Variants in PALM2AKAP2 observed in about 807,000 individuals in gnomAD.
PALM2AKAP2 encodes the protein PALM2 and AKAP2 fusion, also known as PALM2-AKAP2 fusion protein.
Under a neutral mutation model 71.5 loss-of-function variants are expected in PALM2AKAP2, and 37 were observed. The observed-to-expected ratio is 0.52, with a 90% CI of 0.40 to 0.68. PALM2AKAP2 has a LOEUF of 0.68. Among genes scored for constraint, PALM2AKAP2 ranks in the 30% least tolerant of loss-of-function variants. The probability of loss-of-function intolerance (pLI) is 0.00; values close to 1 mark genes in which losing one functional copy is unlikely to be tolerated. For synonymous variants in PALM2AKAP2, 468 were observed against 478.8 expected (o/e 0.98, Z 0.29); for missense variants, 1,224 against 1,191.8 (o/e 1.03, Z -0.40).
intron 6 of PALM2AKAP2, among the ~76,000 whole-genome samples, chr9:109,967,841 T>C (rs139065088): frequency 6.6e-6 from 1 of 152,346 alleles, no homozygotes; most frequent in East Asian, 1.9e-4. Flanking sequence ...GAAAGTTGAC[T>C]TTGTTGTGTT....
At chr9:109,775,135 A>C (rs1478837103) in intron 1 of PALM2AKAP2, among the ~76,000 whole-genome samples, 2 of 152,118 alleles carry the variant, frequency 1.3e-5, no homozygotes, top group Non-Finnish European at 2.9e-5. Flanking sequence ...ATCTCTAACC[A>C]TTTGGCTCTA....
At chr9:109,708,002 C>A (rs963898359) in intron 1 of PALM2AKAP2, among the ~76,000 whole-genome samples, 2 of 152,174 alleles carry the variant, frequency 1.3e-5, no homozygotes, top group African/African-American at 4.8e-5. Flanking sequence ...GCCCCTTCTC[C>A]ATTTTCACTG....
At chr9:109,664,173 A>G (rs1827442473) in intron 1 of PALM2AKAP2, among the ~76,000 whole-genome samples, 1 of 152,168 alleles carries the variant, frequency 6.6e-6, no homozygotes, top group Non-Finnish European at 1.5e-5. Context: ...TAATTGGGGC[A>G]TTTAGCCCAT....
intron 1 of PALM2AKAP2, among the ~76,000 whole-genome samples, chr9:109,672,580 T>A (rs937216941): frequency 1.3e-5 from 2 of 152,086 alleles, no homozygotes; most frequent in East Asian, 3.8e-4. Context: ...TGTTGTTGTA[T>A]CTCTGTCAAA....
chr9:109,711,509 T>C (rs974438644), intron 1 of PALM2AKAP2, among the ~76,000 whole-genome samples: 11 of 152,240 alleles, frequency 7.2e-5, no homozygotes, highest in African/African-American at 1.9e-4. Flanking sequence ...CAAGTATTTA[T>C]TTAAAAAACT....
intron 3 of PALM2AKAP2, among the ~76,000 whole-genome samples, chr9:109,888,928 A>T (rs753879394): frequency 1.3e-5 from 2 of 152,126 alleles, no homozygotes; most frequent in Non-Finnish European, 2.9e-5. Flanking sequence ...AGTCATGATA[A>T]TAAAACATGT....
Position 109,898,034 on chromosome 9 carries a change from T to TA in PALM2AKAP2, c.257+17356dup, listed in dbSNP as rs561190446. Among the ~76,000 whole-genome samples the TA allele has an allele frequency of 5.3e-5, 8 of 152,336 alleles. No individual in the cohort carries two copies. In the South Asian group the frequency reaches 1.7e-3, roughly 32 times the overall value. ...TTAACAAACCAAGAAGACTTACAGT[T>TA]AAAGAGGGCAAAAATATAATTTACT... On this transcript the variant is annotated intron_variant, in intron 3 of 9. Transcript: ENST00000302798.
At chr9:109,854,731 C>G (rs1462783549) in intron 1 of PALM2AKAP2, among the ~76,000 whole-genome samples, 1 of 131,726 alleles carries the variant, frequency 7.6e-6, no homozygotes, top group Non-Finnish European at 1.6e-5. Context: ...ACTGAACATG[C>G]TATTCTGTAG....
At chr9:109,835,205 AG>A (rs1828427866) in intron 1 of PALM2AKAP2, among the ~76,000 whole-genome samples, 1 of 134,246 alleles carries the variant, frequency 7.4e-6, no homozygotes, top group African/African-American at 2.8e-5. Flanking sequence ...GTAGGGAAAG[AG>A]GGGAGGGTGT....
chr9:109,696,238 G>A (rs974989716), intron 1 of PALM2AKAP2, among the ~76,000 whole-genome samples: 4 of 152,092 alleles, frequency 2.6e-5, no homozygotes, highest in African/African-American at 7.2e-5. Flanking sequence ...GAGCACTCAT[G>A]TTTCAGCAAG....
intron 1 of PALM2AKAP2, among the ~76,000 whole-genome samples, chr9:109,663,157 T>G (rs945318324): frequency 1.3e-5 from 2 of 152,218 alleles, no homozygotes; most frequent in Non-Finnish European, 1.5e-5. Flanking sequence ...ATTCATTGAT[T>G]TTTTGAAAGG....
chr9:109,851,213 A>ACAACAACAACAAC (rs1564179688), intron 1 of PALM2AKAP2, among the ~76,000 whole-genome samples: 29 of 143,086 alleles, frequency 2.0e-4, no homozygotes, highest in Admixed American at 4.0e-4. Flanking sequence ...CAACAACAAA[A>ACAACAACAACAAC]AAAAAAAAAC....
At chr9:109,946,762 A>C (rs1187456302) in intron 6 of PALM2AKAP2, 1 of 151,444 alleles carries the variant, frequency 6.6e-6, no homozygotes, top group East Asian at 1.9e-4. Context: ...AAAAAAAAGG[A>C]AAAGGGGGGG....
chr9:110,024,846 A>C, intron 7 of PALM2AKAP2: 1 of 737,848 alleles, frequency 1.4e-6, no homozygotes, highest in Non-Finnish European at 2.4e-6. Context: ...TTAACAGCCC[A>C]GAGGTCTTTT....
At position 109,895,050 on chromosome 9, in the gene PALM2AKAP2, G is replaced by A. The variant is rs141833833; in HGVS notation, c.257+14369G>A. On this transcript the variant is annotated intron_variant, in intron 3 of 9. Transcript: ENST00000302798. Reference sequence around the variant, plus strand: ...TCATAGAGGTGAAGAACCTGAGGCCGGGACACACCACAGGACTCTCAGAAT... The same window carrying A: ...TCATAGAGGTGAAGAACCTGAGGCCAGGACACACCACAGGACTCTCAGAAT... 6.0e-3 allele frequency among the ~76,000 whole-genome samples: 907 copies of A among 152,248 alleles called. 7 individuals carry two copies. Among genetic ancestry groups the A allele is most frequent in the East Asian group, 0.029 (150 of 5,190 alleles).
chr9:110,030,396 G>T (rs543248633), intron 7 of PALM2AKAP2, among the ~76,000 whole-genome samples: 1 of 152,174 alleles, frequency 6.6e-6, no homozygotes, highest in Non-Finnish European at 1.5e-5. Context: ...AGAAGTAATT[G>T]TTTTCTTCTC....
rs567947718 is a variant in PALM2AKAP2 at position 109,824,003 on chromosome 9, C to T, written c.45+43470C>T. On this transcript the variant is annotated intron_variant, in intron 1 of 9. Transcript: ENST00000302798. ...TCCCCCAGCTCAGGTGATCCTCCTG[C>T]CTCAGACTCCCAAGTATCTGGGACT... Among the ~76,000 whole-genome samples, 9 of 152,226 alleles carry T rather than the reference C, an allele frequency of 5.9e-5. No individual in the cohort carries two copies. In the South Asian group the frequency reaches 1.9e-3, roughly 32 times the overall value.
At chr9:110,106,981 A>G (rs1169777576) in intron 1 of PALM2AKAP2, among the ~76,000 whole-genome samples, 1 of 152,216 alleles carries the variant, frequency 6.6e-6, no homozygotes, top group Non-Finnish European at 1.5e-5. Flanking sequence ...TAAGTCATCA[A>G]TTAGCCCGAT....
At chr9:109,811,061 C>A (rs931218939) in intron 1 of PALM2AKAP2, among the ~76,000 whole-genome samples, 2 of 152,124 alleles carry the variant, frequency 1.3e-5, no homozygotes, top group African/African-American at 4.8e-5. Flanking sequence ...TCAGACAGTT[C>A]AGGAGTAATT....
Sources: gnomAD v4.1 joint callset for allele counts (sites outside exome capture counted in the v4.1 genomes callset) on GRCh38, gnomAD v4.1.1 for gene constraint, MANE v1.5 for transcripts, NCBI Gene and HGNC (gene_info 2026-07-23, HGNC 2026-07-21) for gene names.